Variants in CAD observed in about 807,000 individuals in gnomAD.
CAD encodes the protein carbamoyl-phosphate synthetase 2, aspartate transcarbamylase, and dihydroorotase.
A neutral mutation model predicts 237.2 loss-of-function variants in CAD; 81 were observed. The observed-to-expected ratio is 0.34, with a 90% CI of 0.29 to 0.41. The LOEUF (loss-of-function observed/expected upper bound fraction) is 0.41. Among genes scored for constraint, CAD ranks in the 10% least tolerant of loss-of-function variants. The probability of loss-of-function intolerance (pLI) is 1.00; values close to 1 mark genes in which losing one functional copy is unlikely to be tolerated. For synonymous variants in CAD, 1,196 were observed against 1,162.8 expected (o/e 1.03, Z -0.58); for missense variants, 2,181 against 2,951.7 (o/e 0.74, Z 6.05).
rs552009857 is a variant in CAD at position 27,223,985 on chromosome 2, A to C, written c.1064A>C (p.Glu355Ala). 6.2e-7 allele frequency: 1 copy of C among 1,614,054 alleles called. No homozygotes were observed. Among genetic ancestry groups the C allele is most frequent in the East Asian group, 2.2e-5 (1 of 44,872 alleles). ...DMELLFDIFL[E>A]TVKEATAGNP... ...GAACTGCTTTTCGATATCTTTCTGG[A>C]AACTGTGAAAGAGGCCACAGCTGGG... Residue 355 changes from glutamate to alanine, a missense_variant, in exon 8 of 44, where the codon GAA (glutamate) becomes GCA (alanine). By Grantham distance (107) the Glu-to-Ala change is moderately radical. Around this residue, in one of 12 missense-constraint regions of CAD, gnomAD observed 129 missense variants for 143.3 expected, o/e 0.90. Transcript: ENST00000264705.
At position 27,235,882 on chromosome 2, in the gene CAD, A is replaced by AG; in HGVS notation, c.4074+242_4074+243insG. 1 of 499,262 alleles carries AG rather than the reference A, an allele frequency of 2.0e-6. No homozygotes were observed. Among genetic ancestry groups the AG allele is most frequent in the Non-Finnish European group, 3.5e-6 (1 of 282,566 alleles). The allele number at this position is 499,262 out of a possible 1,614,324, so 30.9% of individuals were successfully genotyped here. On this transcript the variant is annotated intron_variant, in intron 25 of 43. Transcript: ENST00000264705. The surrounding 1 kb of genome is among the most constrained non-coding windows in gnomAD (Gnocchi z 5.2). ...CAGTGAGATGCTGTCTCAAAAAAAA[A>AG]AAAAACAAAGAATTATCTCCTATTC...
In CAD at chr2:27,241,989, G is replaced by A; in HGVS notation, c.5962G>A (p.Gly1988Arg). Residue 1988 changes from glycine to arginine, a missense_variant, in exon 39 of 44, where the codon GGA (glycine) becomes AGA (arginine). Transcript: ENST00000264705. This position sits in a 1 kb window ranked among gnomAD's most constrained non-coding sequence, Gnocchi z 4.6. ...SSFAAAMARL[G>R]GAVLSFSEAT... ...CTTTGCAGCAGCCATGGCCCGGCTG[G>A]GAGGTGCTGTGCTCAGCTTCTCGGA... 6.2e-7 allele frequency: 1 copy of A among 1,613,474 alleles called. No individual in the cohort carries two copies. The highest frequency in any genetic ancestry group is 8.5e-7 in the Non-Finnish European group (1 of 1,180,020).
At position 27,242,743 on chromosome 2, in the gene CAD, C is replaced by T. The variant is rs779304281; in HGVS notation, c.6346C>T (p.Arg2116Trp). The change falls in exon 41 of 44, where the codon CGG (arginine) becomes TGG (tryptophan). Residue 2116 changes from arginine (R) to tryptophan (W), a missense_variant. Around this residue, in one of 12 missense-constraint regions of CAD, gnomAD observed 170 missense variants for 212.1 expected, o/e 0.80. Transcript: ENST00000264705. This position sits in a 1 kb window ranked among gnomAD's most constrained non-coding sequence, Gnocchi z 6.4. ...PPSLRMPPTV[R>W]AFVASRGTKQ... is the part of the protein sequence containing the mutation. ...CAGCCTGCGCATGCCACCCACTGTG[C>T]GGGCCTTCGTGGCCTCCCGCGGCAC... 1.2e-5 allele frequency: 20 copies of T among 1,614,058 alleles called. No individual in the cohort carries two copies. Among genetic ancestry groups the T allele is most frequent in the South Asian group, 5.5e-5 (5 of 91,086 alleles).
Position 27,240,669 on chromosome 2 carries a change from A to T in CAD, c.5594-242A>T. On this transcript the variant is annotated intron_variant, in intron 35 of 43. Transcript: ENST00000264705. This position sits in a 1 kb window ranked among gnomAD's most constrained non-coding sequence, Gnocchi z 4.6. ...AGTCTGGCCGTTCCTCTTGCCTAGG[A>T]TGCCTTTGCCAACTGGGAGAGCCCC... 1 of 1,526,660 alleles carries T rather than the reference A, an allele frequency of 6.6e-7. No homozygotes were observed. Among genetic ancestry groups the T allele is most frequent in the South Asian group, 1.2e-5 (1 of 82,360 alleles). The allele number at this position is 1,526,660 out of a possible 1,614,324, so 94.6% of individuals were successfully genotyped here. A position where few individuals can be genotyped will look rare whatever the true frequency, so the allele number is the denominator to read the frequency against.
Position 27,238,176 on chromosome 2 carries a change from C to A in CAD, c.4849C>A (p.Arg1617=). 6.2e-7 allele frequency: 1 copy of A among 1,613,938 alleles called. No homozygotes were observed. The highest frequency in any genetic ancestry group is 8.5e-7 in the Non-Finnish European group (1 of 1,179,994). Residue 1617 remains arginine, a synonymous_variant, in exon 30 of 44, where the codon CGG becomes AGG. Transcript: ENST00000264705. ...QRSVHICHVA[R]KEEILLIKAA... is the part of the protein sequence containing the mutation. ...CTCAGTGCACATATGTCACGTGGCACGGAAGGAGGAGGTAAGAGTACACCT... is the reference window on the plus strand; with the variant it reads ...CTCAGTGCACATATGTCACGTGGCAAGGAAGGAGGAGGTAAGAGTACACCT...
chr2:27,243,567 G>A lies in CAD; in HGVS notation c.*49G>A. The stretch of plus-strand genomic sequence containing the variant: ...TCTTTAGGCCCAGCTGCTGGGCAAG[G>A]AATTCCAGTGCCTCCTACGGGGGCA... On this transcript the variant is annotated 3_prime_UTR_variant, in exon 44 of 44. Transcript: ENST00000264705. The A allele has an allele frequency of 1.4e-6, 2 of 1,383,640 alleles. No homozygotes were observed. The highest frequency in any genetic ancestry group is 2.0e-6 in the Non-Finnish European group (2 of 994,448). 85.7% of individuals were successfully genotyped at this position (1,383,640 alleles called of 1,614,324 possible). A position where few individuals can be genotyped will look rare whatever the true frequency, so the allele number is the denominator to read the frequency against.
chr2:27,231,683 T>C (rs1231343117), intron 16 of CAD, 103 bp downstream of exon 16: 4 of 744,248 alleles, frequency 5.4e-6, no homozygotes, highest in Middle Eastern at 3.5e-4. Flanking sequence ...GCAGTCATCA[T>C]TGGACATTTG....
In CAD at chr2:27,243,582, C is replaced by CG; in HGVS notation, c.*64_*65insG. ...GCTGGGCAAGGAATTCCAGTGCCTC[C>CG]TACGGGGGCAGCACACTTAGATATT... On this transcript the variant is annotated 3_prime_UTR_variant, in exon 44 of 44. Coordinates refer to ENST00000264705, the MANE Select transcript of CAD (RefSeq NM_004341.5). 42 of 1,217,388 alleles carry CG rather than the reference C, an allele frequency of 3.5e-5. No homozygotes were observed. The highest frequency in any genetic ancestry group is 4.6e-5 in the Non-Finnish European group (39 of 847,294). The allele number at this position is 1,217,388 out of a possible 1,614,324, so 75.4% of individuals were successfully genotyped here.
rs1289401913 is a variant in CAD, at chr2:27,235,114, G to C, written c.3787-131G>C. 1 of 774,934 alleles carries C rather than the reference G, an allele frequency of 1.3e-6. No individual in the cohort carries two copies. The highest frequency in any genetic ancestry group is 2.0e-6 in the Non-Finnish European group (1 of 496,794). 48.0% of individuals were successfully genotyped at this position (774,934 alleles called of 1,614,324 possible). A position where few individuals can be genotyped will look rare whatever the true frequency, so the allele number is the denominator to read the frequency against. ...CCCAAGTACGTTTGGAAAGCAGGAGGGCACACAGAGAGGGCAGGCTGACCC... is the reference window on the plus strand; with the variant it reads ...CCCAAGTACGTTTGGAAAGCAGGAGCGCACACAGAGAGGGCAGGCTGACCC... On this transcript the variant is annotated intron_variant, in intron 23 of 43. Transcript: ENST00000264705. This position sits in a 1 kb window ranked among gnomAD's most constrained non-coding sequence, Gnocchi z 5.2.
Position 27,241,468 on chromosome 2 carries a change from A to G in CAD, c.5883+72A>G. On this transcript the variant is annotated intron_variant, in intron 38 of 43. Coordinates refer to ENST00000264705, the MANE Select transcript of CAD (RefSeq NM_004341.5). The surrounding 1 kb of genome is among the most constrained non-coding windows in gnomAD (Gnocchi z 4.6). ...GGGCCGCATCAGCGCAGGGCCGCGC[A>G]GTGGTCAGAGTGGGTCTTCCTCCCC... 4 of 1,405,896 alleles carry G rather than the reference A, an allele frequency of 2.8e-6. No individual in the cohort carries two copies. In the East Asian group the frequency reaches 9.1e-5, roughly 32 times the overall value. The allele number at this position is 1,405,896 out of a possible 1,614,324, so 87.1% of individuals were successfully genotyped here.
intron 15 of CAD, among the ~76,000 whole-genome samples, chr2:27,228,558 C>T (rs953245258): frequency 2.0e-5 from 3 of 152,300 alleles, no homozygotes; most frequent in Middle Eastern, 3.4e-3. Flanking sequence ...CACTGCATTC[C>T]AGTCTGGGTG....
chr2:27,225,549 A>ATCCCCCC (rs1553367507), intron 11 of CAD, among the ~76,000 whole-genome samples, 156 bp from the exon 12 acceptor site: 1 of 145,408 alleles, frequency 6.9e-6, no homozygotes, highest in Non-Finnish European at 1.5e-5. Flanking sequence ...CAGGTGATCC[A>ATCCCCCC]CCCCCCCGAC....
chr2:27,243,153 C>T, intron 42 of CAD, 45 bp from the exon 43 acceptor site: 1 of 1,581,766 alleles, frequency 6.3e-7, no homozygotes, highest in Non-Finnish European at 8.7e-7. Context: ...CCTCTGTAGC[C>T]ACTCCTACCC....
chr2:27,222,474 T>G, intron 4 of CAD, 45 bp from the exon 5 acceptor site: 5 of 1,604,830 alleles, frequency 3.1e-6, no homozygotes, highest in Non-Finnish European at 4.3e-6. Flanking sequence ...TTATACCCAC[T>G]GAGCACAGCT....
intron 15 of CAD, chr2:27,227,526 C>T (rs1008313253): frequency 2.0e-5 from 3 of 152,212 alleles, no homozygotes; most frequent in Non-Finnish European, 4.4e-5. Context: ...CAGTAGTGGC[C>T]TTTAAACAAG....
intron 15 of CAD, among the ~76,000 whole-genome samples, chr2:27,228,518 G>T (rs1228139497): frequency 6.6e-6 from 1 of 152,200 alleles, no homozygotes; most frequent in African/African-American, 2.4e-5. Context: ...GAGCCCACGA[G>T]TTCAAGGTTG....
chr2:27,225,556 C>G, intron 11 of CAD, 149 bp from the exon 12 acceptor site: 3 of 654,674 alleles, frequency 4.6e-6, no homozygotes, highest in Non-Finnish European at 8.0e-6. Context: ...TCCACCCCCC[C>G]GACCCTCGGC....
At chr2:27,224,982 T>A (rs773352253) in intron 10 of CAD, 28 bp from the exon 11 acceptor site, 1 of 1,607,112 alleles carries the variant, frequency 6.2e-7, no homozygotes. Context: ...AAGGTTCTGA[T>A]GCCTGTAACT....
At position 27,238,648 on chromosome 2, in the gene CAD, A is replaced by G. The variant is rs2148090053; in HGVS notation, c.5062+16A>G. 2 of 1,599,552 alleles carry G rather than the reference A, an allele frequency of 1.3e-6. No individual in the cohort carries two copies. The highest frequency in any genetic ancestry group is 1.3e-5 in the African/African-American group (1 of 74,780). The stretch of plus-strand genomic sequence containing the variant: ...TCAGACCATGGTGAGAGAATCCAGC[A>G]TGTACCTCCTCTGCCCAGTGGGGCT... On this transcript the variant is annotated intron_variant, in intron 31 of 43. Coordinates refer to ENST00000264705, the MANE Select transcript of CAD (RefSeq NM_004341.5).
Sources: gnomAD v4.1 joint callset for allele counts (sites outside exome capture counted in the v4.1 genomes callset) on GRCh38, gnomAD v4.1.1 for gene constraint, gnomAD v4.1.1 regional missense constraint, Gnocchi (gnomAD v3.1) non-coding constraint, MANE v1.5 for transcripts, NCBI Gene and HGNC (gene_info 2026-07-23, HGNC 2026-07-21) for gene names.